The following SORCS3 variants were observed in gnomAD, a reference collection of about 807,000 sequenced individuals.
SORCS3 encodes sortilin related VPS10 domain containing receptor 3.
A neutral mutation model predicts 146.3 loss-of-function variants in SORCS3; 57 were observed. The ratio of observed to expected loss-of-function variants is 0.39; its 90% CI spans 0.31 to 0.49. SORCS3 has a LOEUF of 0.49. Ranked by LOEUF, SORCS3 falls within the 20% of genes least tolerant of loss-of-function variation. The pLI, the probability that SORCS3 is intolerant of heterozygous loss-of-function variation, is 0.92. For synonymous variants in SORCS3, 653 were observed against 618.5 expected (o/e 1.06, Z -0.83); for missense variants, 1,341 against 1,575.5 (o/e 0.85, Z 2.52).
At chr10:105,125,679 C>CAGACACACACACA (rs370356129) in intron 7 of SORCS3, among the ~76,000 whole-genome samples, 1 of 144,374 alleles carries the variant, frequency 6.9e-6, no homozygotes, top group Non-Finnish European at 1.5e-5. Context: ...CACTGAATAT[C>CAGACACACACACA]CACACACACA....
At chr10:104,920,228 T>C (rs2019074180) in intron 3 of SORCS3, among the ~76,000 whole-genome samples, 1 of 152,254 alleles carries the variant, frequency 6.6e-6, no homozygotes. Context: ...AGATGGCTGC[T>C]GCTTTCCTTG....
At chr10:105,219,654 G>A (rs1317808038) in intron 19 of SORCS3, among the ~76,000 whole-genome samples, 3 of 152,150 alleles carry the variant, frequency 2.0e-5, no homozygotes, top group Non-Finnish European at 2.9e-5. Context: ...ACCCAGCTTG[G>A]TGCATGATGA....
intron 3 of SORCS3, 36 bp downstream of exon 3, chr10:104,915,968 G>T (rs775270765): frequency 6.7e-7 from 1 of 1,500,160 alleles, no homozygotes; most frequent in Non-Finnish European, 9.3e-7. Flanking sequence ...GAGCACTCCT[G>T]CTGGGTAGCT....
At chr10:105,240,778 C>T (rs1214508989) in intron 20 of SORCS3, among the ~76,000 whole-genome samples, 3 of 151,902 alleles carry the variant, frequency 2.0e-5, no homozygotes, top group African/African-American at 4.8e-5. Flanking sequence ...TCCTCTCATG[C>T]CCCTTCTAAG....
intron 2 of SORCS3, among the ~76,000 whole-genome samples, chr10:104,891,570 G>T (rs1255316393): frequency 6.6e-6 from 1 of 152,086 alleles, no homozygotes; most frequent in African/African-American, 2.4e-5. Flanking sequence ...TACTGAATTT[G>T]TTTACTGTCT....
chr10:104,927,371 G>A (rs1305111062), intron 3 of SORCS3, among the ~76,000 whole-genome samples: 1 of 152,204 alleles, frequency 6.6e-6, no homozygotes, highest in Non-Finnish European at 1.5e-5. Context: ...TTAAATGGCA[G>A]CCAAGGACAC....
At chr10:104,950,418 G>A (rs1032358748) in intron 3 of SORCS3, among the ~76,000 whole-genome samples, 1 of 152,124 alleles carries the variant, frequency 6.6e-6, no homozygotes, top group Non-Finnish European at 1.5e-5. Context: ...TCTGAAAATT[G>A]TGGTTAATAA....
Position 104,940,230 on chromosome 10 carries a change from ATATATATATTTTTTTTT to A in SORCS3, c.795+24300_795+24316del, listed in dbSNP as rs1196464611. On this transcript the variant is annotated intron_variant, in intron 3 of 26. Coordinates refer to ENST00000369701, the MANE Select transcript of SORCS3 (RefSeq NM_014978.3). ...TATATATATATATATATATATATAT[ATATATATATTTTTTTTT>A]TTTTTTTTATTATACTTTAAGTTCT... Among the ~76,000 whole-genome samples the A allele has an allele frequency of 9.5e-3, 228 of 23,936 alleles. 6 individuals carry two copies. The highest frequency in any genetic ancestry group is 0.085 in the South Asian group (49 of 576). The allele number at this position is 23,936 out of a possible 152,430, so 15.7% of individuals were successfully genotyped here.
intron 1 of SORCS3, among the ~76,000 whole-genome samples, chr10:104,656,671 CA>C (rs1173014288): frequency 6.7e-6 from 1 of 149,242 alleles, no homozygotes; most frequent in East Asian, 2.0e-4. Context: ...TAAAAAAAAA[CA>C]AAAAGAAAAA....
chr10:105,168,747 G>A (rs148318466), intron 13 of SORCS3, among the ~76,000 whole-genome samples: 4 of 152,084 alleles, frequency 2.6e-5, no homozygotes, highest in East Asian at 3.9e-4. Flanking sequence ...GTATGAAATC[G>A]CCATTTTTAG....
intron 20 of SORCS3, among the ~76,000 whole-genome samples, chr10:105,241,251 G>A (rs2056821227): frequency 6.6e-6 from 1 of 152,154 alleles, no homozygotes; most frequent in Admixed American, 6.5e-5. Context: ...CTTGTGGGAG[G>A]GAGCATGTGA....
At chr10:104,799,912 G>A (rs2017605132) in intron 1 of SORCS3, among the ~76,000 whole-genome samples, 2 of 152,052 alleles carry the variant, frequency 1.3e-5, no homozygotes, top group South Asian at 2.1e-4. Flanking sequence ...TCCTGACCTC[G>A]GGATCTGCCC....
chr10:105,025,498 CTG>C (rs922012549), intron 4 of SORCS3, among the ~76,000 whole-genome samples: 6 of 152,096 alleles, frequency 3.9e-5, no homozygotes, highest in African/African-American at 9.7e-5. Flanking sequence ...AAATTTTTGA[CTG>C]TGTGTTTGAG....
intron 2 of SORCS3, among the ~76,000 whole-genome samples, chr10:104,864,208 AG>A (rs752199488): frequency 6.6e-6 from 1 of 152,166 alleles, no homozygotes; most frequent in African/African-American, 2.4e-5. Context: ...TCTTGCCCAG[AG>A]GTGTCAGAAA....
intron 7 of SORCS3, among the ~76,000 whole-genome samples, chr10:105,107,447 T>A (rs549698036): frequency 7.9e-5 from 12 of 152,142 alleles, no homozygotes; most frequent in African/African-American, 2.7e-4. Context: ...ATGTTCAGAC[T>A]TTTTTCATTT....
At chr10:105,118,892 G>A (rs1043595995) in intron 7 of SORCS3, among the ~76,000 whole-genome samples, 1 of 152,192 alleles carries the variant, frequency 6.6e-6, no homozygotes, top group Admixed American at 6.5e-5. Context: ...TATGCAGTCT[G>A]ATGATGTGAG....
chr10:105,172,967 G>T (rs2056371820), intron 13 of SORCS3, among the ~76,000 whole-genome samples: 1 of 150,986 alleles, frequency 6.6e-6, no homozygotes. Context: ...TGGTGTTTTT[G>T]TTTTTTTTGT....
chr10:105,132,893 T>C (rs2056031739), intron 7 of SORCS3, among the ~76,000 whole-genome samples: 1 of 152,154 alleles, frequency 6.6e-6, no homozygotes, highest in South Asian at 2.1e-4. Flanking sequence ...AAAGGAAAAG[T>C]GGTAATAATC....
At chr10:104,996,321 T>C (rs1008229971) in intron 4 of SORCS3, among the ~76,000 whole-genome samples, 2 of 152,236 alleles carry the variant, frequency 1.3e-5, no homozygotes, top group African/African-American at 4.8e-5. Context: ...TTGAGTCTTC[T>C]GATTTGTGAA....
Sources: allele counts gnomAD v4.1 joint callset (sites outside exome capture counted in the v4.1 genomes callset), GRCh38; gene constraint gnomAD v4.1.1; transcripts MANE v1.5; gene names NCBI Gene and HGNC (gene_info 2026-07-23, HGNC 2026-07-21).